The following SP3 variants were observed in gnomAD, a reference collection of about 807,000 sequenced individuals.
The protein encoded by SP3 is transcription factor Sp3.
A neutral mutation model predicts 70.3 loss-of-function variants in SP3; 10 were observed. The ratio of observed to expected loss-of-function variants is 0.14; its 90% CI spans 0.09 to 0.24. The LOEUF (loss-of-function observed/expected upper bound fraction) is 0.24, where lower values mean the gene tolerates loss of function less well. Among genes scored for constraint, SP3 ranks in the 10% least tolerant of loss-of-function variants. SP3 has a pLI of 1.00. For missense variants in SP3, 825 were observed against 914.6 expected, an observed-to-expected ratio of 0.90 and a Z score of 1.26; for synonymous variants, 402 against 333.5, an observed-to-expected ratio of 1.21 and a Z score of -2.24.
At chr2:173,952,778 G>A (rs1690751090) in intron 4 of SP3, among the ~76,000 whole-genome samples, 1 of 152,168 alleles carries the variant, frequency 6.6e-6, no homozygotes, top group South Asian at 2.1e-4. Flanking sequence ...AAAACATCAT[G>A]CTAAATGAAA....
At position 173,903,091 on chromosome 2, in the gene SP3, T is replaced by C. The variant is rs987529377; in HGVS notation, c.*6850A>G. On this transcript the variant is annotated 3_prime_UTR_variant, in exon 7 of 7. Transcript: ENST00000310015. ...TAATAAATGTTGGCTGACAATTAGG[T>C]GGATCAAGGTGACTTAACAAGGTGA... Among the ~76,000 whole-genome samples, 1 of 152,176 alleles carries C rather than the reference T, an allele frequency of 6.6e-6. No individual in the cohort carries two copies. Among genetic ancestry groups the C allele is most frequent in the African/African-American group, 2.4e-5 (1 of 41,450 alleles).
chr2:173,905,512 T>C lies in SP3; in HGVS notation c.*4429A>G, dbSNP rs917044471. Among the ~76,000 whole-genome samples the C allele has an allele frequency of 6.6e-6, 1 of 152,138 alleles. No individual in the cohort carries two copies. Among genetic ancestry groups the C allele is most frequent in the African/African-American group, 2.4e-5 (1 of 41,420 alleles). ...AAATGGGGAAAAGGACTGAAGGAGA[T>C]AGGCCTTCTCAGGATATCATTCTTA... On this transcript the variant is annotated 3_prime_UTR_variant, in exon 7 of 7. Transcript: ENST00000310015.
chr2:173,924,251 TAGC>T (rs982019893), intron 4 of SP3, among the ~76,000 whole-genome samples: 1 of 152,214 alleles, frequency 6.6e-6, no homozygotes, highest in Non-Finnish European at 1.5e-5. Context: ...TTCATTTTTA[TAGC>T]AGTTTTCCAA....
chr2:173,913,869 A>C (rs577696278), intron 5 of SP3: 10 of 152,302 alleles, frequency 6.6e-5, no homozygotes, highest in African/African-American at 2.4e-4. Context: ...TTAGCATTAG[A>C]TGAGATAAAT....
At chr2:173,949,268 C>T (rs1690639862) in intron 4 of SP3, among the ~76,000 whole-genome samples, 1 of 151,830 alleles carries the variant, frequency 6.6e-6, no homozygotes, top group African/African-American at 2.4e-5. Flanking sequence ...TATCTTTCAC[C>T]TTGTTAGAAT....
chr2:173,943,117 T>G (rs1232496464), intron 4 of SP3, among the ~76,000 whole-genome samples: 3 of 152,318 alleles, frequency 2.0e-5, no homozygotes, highest in African/African-American at 7.2e-5. Context: ...ATCAGCCTTA[T>G]GCTTACTCTG....
In SP3 at chr2:173,906,321, G is replaced by A. The variant is rs1045568121; in HGVS notation, c.*3620C>T. On this transcript the variant is annotated 3_prime_UTR_variant, in exon 7 of 7. Transcript: ENST00000310015. ...GCAAATCTGTCTGAACAAGGCAAGG[G>A]GCCAATGTTGTTTCTTCAACACTAA... The A allele has an allele frequency of 6.6e-6, 1 of 151,962 alleles. No homozygotes were observed. The highest frequency in any genetic ancestry group is 1.5e-5 in the Non-Finnish European group (1 of 68,004). The allele number at this position is 151,962 out of a possible 1,614,324, so 9.4% of individuals were successfully genotyped here. A position where few individuals can be genotyped will look rare whatever the true frequency, so the allele number is the denominator to read the frequency against.
In SP3 at chr2:173,910,166, T is replaced by C. The variant is rs758967155; in HGVS notation, c.2121A>G (p.Lys707=). 1.9e-6 allele frequency: 3 copies of C among 1,613,768 alleles called. No homozygotes were observed. The African/African-American group carries it at 4.0e-5, about 22-fold the overall frequency. ...GCACTGTACTGCTAGAGTGAATACC[T>C]TTTTTATTCTGGTGTGTTTTAATAT... ...AKHIKTHQNK[K]GIHSSSTVLA... is the part of the protein sequence containing the mutation. The change falls in exon 7 of 7, where the codon AAA becomes AAG. Residue 707 remains lysine (K), a synonymous_variant. Coordinates refer to ENST00000310015, the MANE Select transcript of SP3 (RefSeq NM_003111.5).
rs1298901598 is a variant in SP3 at position 173,925,498 on chromosome 2, CAAT to C, written c.1640-6716_1640-6714del. 2.6e-5 allele frequency among the ~76,000 whole-genome samples: 4 copies of C among 152,226 alleles called. 1 individual carries two copies. Among genetic ancestry groups the C allele is most frequent in the East Asian group, 3.9e-4 (2 of 5,184 alleles). ...AAAATTCTAGAGATGTGTTACACAA[CAAT>C]GTGAATACACTTAACATTACTGAAC... On this transcript the variant is annotated intron_variant, in intron 4 of 6. Coordinates refer to ENST00000310015, the MANE Select transcript of SP3 (RefSeq NM_003111.5).
intron 1 of SP3, chr2:173,964,798 G>T (rs1691235910): frequency 4.4e-6 from 2 of 458,020 alleles, no homozygotes; most frequent in Admixed American, 4.4e-5. Context: ...TCCCCGCGCT[G>T]CCCCTGCCCC....
chr2:173,940,151 T>A (rs893981494), intron 4 of SP3, among the ~76,000 whole-genome samples: 5 of 152,164 alleles, frequency 3.3e-5, no homozygotes. Context: ...GTGCTGGGAT[T>A]ATGCCACCAC....
Position 173,903,636 on chromosome 2 carries a change from C to T in SP3, c.*6305G>A, listed in dbSNP as rs969324641. Among the ~76,000 whole-genome samples the T allele has an allele frequency of 6.6e-6, 1 of 152,108 alleles. No individual in the cohort carries two copies. Among genetic ancestry groups the T allele is most frequent in the African/African-American group, 2.4e-5 (1 of 41,402 alleles). On this transcript the variant is annotated 3_prime_UTR_variant, in exon 7 of 7. Coordinates refer to ENST00000310015, the MANE Select transcript of SP3 (RefSeq NM_003111.5). ...CAAACCTATTCTGAGTCCTAACACA[C>T]AATGAAAATATACGTGACTTGGTGT...
At chr2:173,933,323 C>G (rs1354227408) in intron 4 of SP3, among the ~76,000 whole-genome samples, 2 of 152,096 alleles carry the variant, frequency 1.3e-5, no homozygotes, top group African/African-American at 2.4e-5. Flanking sequence ...TCAATTCAGT[C>G]TAGCCACATT....
chr2:173,911,673 G>A (rs904228318), intron 6 of SP3, among the ~76,000 whole-genome samples: 6 of 152,052 alleles, frequency 3.9e-5, no homozygotes, highest in African/African-American at 1.4e-4. Context: ...ACAACCTGCT[G>A]ATAAAATCCT....
At chr2:173,949,017 G>C (rs1476074666) in intron 4 of SP3, among the ~76,000 whole-genome samples, 1 of 152,066 alleles carries the variant, frequency 6.6e-6, no homozygotes, top group Non-Finnish European at 1.5e-5. Context: ...CAGTGTAAAA[G>C]TCTTACACAA....
In SP3 at chr2:173,955,567, C is replaced by G; in HGVS notation, c.945G>C (p.Arg315=). The G allele has an allele frequency of 6.2e-7, 1 of 1,613,888 alleles. No individual in the cohort carries two copies. The highest frequency in any genetic ancestry group is 8.5e-7 in the Non-Finnish European group (1 of 1,180,008). ...SSDNSERTGE[R]VSPDINETNT... ...TAGTTTCATTAATATCAGGAGAAACCCGCTCACCAGTCCTTTCTGAATTGT... is the reference window on the plus strand; with the variant it reads ...TAGTTTCATTAATATCAGGAGAAACGCGCTCACCAGTCCTTTCTGAATTGT... The change falls in exon 4 of 7, where the codon CGG becomes CGC. Residue 315 remains arginine (R), a synonymous_variant. Coordinates refer to ENST00000310015, the MANE Select transcript of SP3 (RefSeq NM_003111.5).
chr2:173,945,625 T>C (rs1690514562), intron 4 of SP3, among the ~76,000 whole-genome samples: 1 of 152,148 alleles, frequency 6.6e-6, no homozygotes, highest in African/African-American at 2.4e-5. Context: ...TGCACATATG[T>C]TCAACTTCCT....
chr2:173,959,302 C>G lies in SP3; in HGVS notation c.280-3070G>C, dbSNP rs144153255. 4.3e-3 allele frequency among the ~76,000 whole-genome samples: 643 copies of G among 149,236 alleles called. 1 individual carries two copies. The highest frequency in any genetic ancestry group is 7.3e-3 in the Admixed American group (110 of 15,018). ...ATACCACTAAAAGAGATAAAGTACA[C>G]TAAATACCAAATGGGAGAGGAATAA... is the stretch of plus-strand genomic sequence containing the variant. On this transcript the variant is annotated intron_variant, in intron 3 of 6. Coordinates refer to ENST00000310015, the MANE Select transcript of SP3 (RefSeq NM_003111.5).
At chr2:173,946,960 T>A (rs774309039) in intron 4 of SP3, among the ~76,000 whole-genome samples, 5 of 151,862 alleles carry the variant, frequency 3.3e-5, no homozygotes, top group Non-Finnish European at 7.4e-5. Flanking sequence ...TGGGTTCAAG[T>A]GATCCTCCTG....
Sources: gnomAD v4.1 joint callset for allele counts (sites outside exome capture counted in the v4.1 genomes callset) on GRCh38, gnomAD v4.1.1 for gene constraint, MANE v1.5 for transcripts, NCBI Gene and HGNC (gene_info 2026-07-23, HGNC 2026-07-21) for gene names.